The following NRG1 variants were observed in gnomAD, a reference collection of about 807,000 sequenced individuals.
NRG1 encodes pro-neuregulin-1, membrane-bound isoform.
NRG1 carries 18 observed loss-of-function variants against 63.8 expected under a neutral mutation model. That is an observed-to-expected ratio of 0.28 (90% CI 0.19 to 0.42). NRG1 has a LOEUF of 0.42. Ranked by LOEUF, NRG1 falls within the 10% of genes least tolerant of loss-of-function variation. The pLI is 1.00. For missense variants in NRG1, 762 were observed against 814.7 expected (o/e 0.94, Z 0.79); for synonymous variants, 302 against 301.3 (o/e 1.00, Z -0.02).
At chr8:31,946,808 A>C (rs529972495) in intron 1 of NRG1, among the ~76,000 whole-genome samples, 9 of 152,308 alleles carry the variant, frequency 5.9e-5, no homozygotes, top group African/African-American at 2.2e-4. Flanking sequence ...GAGCCTGCCT[A>C]AATGTACATG....
intron 1 of NRG1, among the ~76,000 whole-genome samples, chr8:32,583,913 G>A (rs573099646): frequency 3.9e-5 from 6 of 152,280 alleles, no homozygotes; most frequent in East Asian, 1.9e-4. Context: ...GACTTCTTTC[G>A]TGTAACATGT....
At chr8:32,512,073 T>C (rs1829287428) in intron 1 of NRG1, among the ~76,000 whole-genome samples, 1 of 151,998 alleles carries the variant, frequency 6.6e-6, no homozygotes, top group African/African-American at 2.4e-5. Context: ...TGAGCTGGCC[T>C]TCTTCATAAT....
chr8:31,970,206 T>C (rs1807049337), intron 1 of NRG1, among the ~76,000 whole-genome samples: 1 of 152,170 alleles, frequency 6.6e-6, no homozygotes, highest in Admixed American at 6.5e-5. Flanking sequence ...GTTCTGAAGA[T>C]ACTAACTTCT....
chr8:32,258,569 T>G (rs1238138591), intron 1 of NRG1, among the ~76,000 whole-genome samples: 1 of 152,150 alleles, frequency 6.6e-6, no homozygotes, highest in Non-Finnish European at 1.5e-5. Context: ...TCAGGAAACG[T>G]ACAGTTATGT....
intron 1 of NRG1, among the ~76,000 whole-genome samples, chr8:32,490,524 G>T (rs892876153): frequency 6.6e-6 from 1 of 152,100 alleles, no homozygotes; most frequent in Non-Finnish European, 1.5e-5. Context: ...TAGTTGATTG[G>T]CATTGTTTCA....
intron 1 of NRG1, among the ~76,000 whole-genome samples, chr8:32,565,193 T>C (rs371304457): frequency 2.0e-5 from 3 of 152,220 alleles, no homozygotes; most frequent in Non-Finnish European, 1.5e-5. Context: ...CTCAGGACCA[T>C]TGGGCTTGTC....
At chr8:32,226,632 G>A (rs1361655128) in intron 1 of NRG1, among the ~76,000 whole-genome samples, 1 of 152,048 alleles carries the variant, frequency 6.6e-6, no homozygotes, top group Non-Finnish European at 1.5e-5. Flanking sequence ...CTCCTCTTTG[G>A]TGATTAAAAA....
intron 1 of NRG1, among the ~76,000 whole-genome samples, chr8:32,069,888 T>G (rs879710255): frequency 2.0e-5 from 3 of 152,164 alleles, no homozygotes; most frequent in Non-Finnish European, 2.9e-5. Flanking sequence ...TTCCAAGTCC[T>G]AGCAGTGTGG....
intron 1 of NRG1, among the ~76,000 whole-genome samples, chr8:32,190,867 G>A (rs1483557140): frequency 6.6e-6 from 1 of 152,166 alleles, no homozygotes; most frequent in African/African-American, 2.4e-5. Flanking sequence ...AAGAGGGCCA[G>A]ACAATGCCTG....
chr8:32,619,546 A>G (rs942492964), intron 5 of NRG1, among the ~76,000 whole-genome samples: 3 of 152,162 alleles, frequency 2.0e-5, no homozygotes, highest in Non-Finnish European at 4.4e-5. Context: ...TGCTGAGAGC[A>G]TAGTGGCCTG....
Position 32,450,119 on chromosome 8 carries a change from C to A in NRG1, c.38-145709C>A, listed in dbSNP as rs75974028. Among the ~76,000 whole-genome samples, 1,376 of 152,260 alleles carry A rather than the reference C, an allele frequency of 9.0e-3. 91 individuals carry two copies. Among genetic ancestry groups the A allele is most frequent in the Admixed American group, 0.082 (1,252 of 15,290 alleles). ...ATAGAGCGAAGATAGAATCTTCAGGCCTTCAGGGGACTAAGCAGGAATAGA... is the reference window on the plus strand; with the variant it reads ...ATAGAGCGAAGATAGAATCTTCAGGACTTCAGGGGACTAAGCAGGAATAGA... On this transcript the variant is annotated intron_variant, in intron 1 of 10. Coordinates refer to the NRG1 transcript ENST00000519301.
chr8:32,123,237 G>T (rs997593150), intron 1 of NRG1, among the ~76,000 whole-genome samples: 1 of 151,898 alleles, frequency 6.6e-6, no homozygotes, highest in African/African-American at 2.4e-5. Flanking sequence ...TTGAACTGTA[G>T]CTCTCATAAT....
intron 1 of NRG1, among the ~76,000 whole-genome samples, chr8:32,446,426 G>A (rs959265727): frequency 1.3e-5 from 2 of 152,118 alleles, no homozygotes; most frequent in African/African-American, 4.8e-5. Context: ...AGGCCAAGGT[G>A]GGAAGATCAC....
chr8:31,990,217 A>G (rs1258812580), intron 1 of NRG1, among the ~76,000 whole-genome samples: 1 of 152,134 alleles, frequency 6.6e-6, no homozygotes, highest in Non-Finnish European at 1.5e-5. Flanking sequence ...AGAAATTAGT[A>G]GAAACTACAT....
chr8:32,686,716 G>T (rs1182515482), intron 5 of NRG1, among the ~76,000 whole-genome samples: 1 of 152,226 alleles, frequency 6.6e-6, no homozygotes, highest in Non-Finnish European at 1.5e-5. Context: ...TAGACATGGA[G>T]TACATTGAGC....
chr8:31,684,251 G>C (rs1003419113), intron 1 of NRG1, among the ~76,000 whole-genome samples: 3 of 152,176 alleles, frequency 2.0e-5, no homozygotes, highest in Non-Finnish European at 4.4e-5. Context: ...CAATGTAACA[G>C]TATTAAGAGG....
chr8:31,912,315 G>A (rs958122408), intron 1 of NRG1, among the ~76,000 whole-genome samples: 10 of 152,116 alleles, frequency 6.6e-5, no homozygotes, highest in African/African-American at 2.4e-4. Context: ...TTACTATCTA[G>A]GAGTTGTGGG....
Position 31,639,431 on chromosome 8 carries a change from G to A in NRG1, c.37G>A (p.Ala13Thr), listed in dbSNP as rs748945708. 2.6e-6 allele frequency: 4 copies of A among 1,534,806 alleles called. No individual in the cohort carries two copies. The South Asian group carries it at 3.6e-5, about 14-fold the overall frequency. Residue 13 changes from alanine to threonine, a missense_variant and splice_region_variant, in exon 1 of 11, where the codon GCC becomes ACC. Coordinates refer to the NRG1 transcript ENST00000519301. ...ACGCGCGGGCCGAGTTGGCACCACA[G>A]GTAAACAGGCTGGCGAGGCGCAGGA...
chr8:32,655,405 G>T (rs1589014482), intron 5 of NRG1, among the ~76,000 whole-genome samples: 1 of 152,252 alleles, frequency 6.6e-6, no homozygotes, highest in South Asian at 2.1e-4. Context: ...AAACAAATGG[G>T]GATGTTAACA....
Sources: gnomAD v4.1 joint callset for allele counts (sites outside exome capture counted in the v4.1 genomes callset) on GRCh38, gnomAD v4.1.1 for gene constraint, MANE v1.5 for transcripts, NCBI Gene and HGNC (gene_info 2026-07-23, HGNC 2026-07-21) for gene names.